The following SLC41A3 variants were observed in gnomAD, a reference collection of about 807,000 sequenced individuals.
SLC41A3 encodes the protein solute carrier family 41 member 3, also known as SLC41A1-like 2.
SLC41A3 carries 44 observed loss-of-function variants against 45.4 expected under a neutral mutation model. That is an observed-to-expected ratio of 0.97 (90% CI 0.76 to 1.25). The LOEUF (loss-of-function observed/expected upper bound fraction) is 1.25, where lower values mean the gene tolerates loss of function less well. SLC41A3 is among the 50% of genes most tolerant of loss of function. SLC41A3 has a pLI of 0.00. For missense variants in SLC41A3, 550 were observed against 600.6 expected (o/e 0.92, Z 0.88); for synonymous variants, 256 against 252.4 (o/e 1.01, Z -0.13).
intron 1 of SLC41A3, among the ~76,000 whole-genome samples, chr3:126,083,559 G>T (rs1186410437): frequency 3.9e-5 from 6 of 152,134 alleles, no homozygotes; most frequent in Non-Finnish European, 4.4e-5. Flanking sequence ...CCAGGACAGT[G>T]GGCTGAGCCT....
chr3:126,057,718 A>G (rs1943764111), intron 2 of SLC41A3, among the ~76,000 whole-genome samples: 1 of 152,170 alleles, frequency 6.6e-6, no homozygotes. Context: ...CGAACTCCAG[A>G]CGAATTTCTC....
At chr3:126,037,721 A>C (rs971113755) in intron 3 of SLC41A3, among the ~76,000 whole-genome samples, 1 of 152,212 alleles carries the variant, frequency 6.6e-6, no homozygotes, top group Non-Finnish European at 1.5e-5. Context: ...TTTTTGAAAA[A>C]TTTGCAGCCT....
chr3:126,019,423 T>C (rs1940632732), intron 6 of SLC41A3, among the ~76,000 whole-genome samples: 1 of 152,172 alleles, frequency 6.6e-6, no homozygotes, highest in Non-Finnish European at 1.5e-5. Flanking sequence ...CCACCCATGG[T>C]ACCCCAAATT....
At chr3:126,080,260 A>T (rs1945084144) in intron 1 of SLC41A3, among the ~76,000 whole-genome samples, 1 of 152,200 alleles carries the variant, frequency 6.6e-6, no homozygotes, top group Non-Finnish European at 1.5e-5. Context: ...AGGAAACAAC[A>T]AAGTGAAAAA....
chr3:126,081,024 AG>A (rs914761655), intron 1 of SLC41A3, among the ~76,000 whole-genome samples: 2 of 152,220 alleles, frequency 1.3e-5, no homozygotes, highest in Non-Finnish European at 2.9e-5. Flanking sequence ...CATATCCAAA[AG>A]AAAGGAAACC....
At chr3:126,019,156 C>T (rs959508669) in intron 6 of SLC41A3, among the ~76,000 whole-genome samples, 2 of 152,168 alleles carry the variant, frequency 1.3e-5, no homozygotes, top group Admixed American at 1.3e-4. Flanking sequence ...CCGGAGGTGG[C>T]GCAAGGCACC....
At chr3:126,028,534 G>T (rs543469189) in intron 4 of SLC41A3, among the ~76,000 whole-genome samples, 4 of 152,392 alleles carry the variant, frequency 2.6e-5, no homozygotes, top group Non-Finnish European at 5.9e-5. Flanking sequence ...GAAGCCTGCT[G>T]CAGGGGCACA....
intron 1 of SLC41A3, among the ~76,000 whole-genome samples, chr3:126,082,786 G>A (rs1009447245): frequency 6.9e-6 from 1 of 144,540 alleles, no homozygotes; most frequent in Non-Finnish European, 1.6e-5. Context: ...ACCAGGGCTC[G>A]CCCAAAGGCA....
chr3:126,049,935 G>A (rs1943214681), intron 3 of SLC41A3, among the ~76,000 whole-genome samples: 1 of 152,164 alleles, frequency 6.6e-6, no homozygotes, highest in South Asian at 2.1e-4. Flanking sequence ...AAAGCCAGGA[G>A]CACAGTATCT....
chr3:126,079,208 G>C (rs887478449), intron 1 of SLC41A3, among the ~76,000 whole-genome samples: 3 of 99,112 alleles, frequency 3.0e-5, no homozygotes, highest in African/African-American at 1.3e-4. Context: ...TTAAGGTAAG[G>C]GAAACACACA....
intron 4 of SLC41A3, among the ~76,000 whole-genome samples, chr3:126,028,140 T>G (rs983029571): frequency 1.3e-5 from 2 of 152,162 alleles, no homozygotes; most frequent in African/African-American, 2.4e-5. Context: ...TGCAGAAATT[T>G]ACATAAATAA....
At chr3:126,039,545 A>G (rs763145057) in intron 3 of SLC41A3, among the ~76,000 whole-genome samples, 25 of 152,168 alleles carry the variant, frequency 1.6e-4, no homozygotes, top group Admixed American at 6.5e-4. Context: ...AATACTGCTG[A>G]CCCAGGTCAC....
intron 1 of SLC41A3, among the ~76,000 whole-genome samples, chr3:126,072,180 G>A (rs1284276543): frequency 6.6e-6 from 1 of 152,052 alleles, no homozygotes; most frequent in Non-Finnish European, 1.5e-5. Flanking sequence ...AAAAATCATG[G>A]CATGTGTTAA....
chr3:126,047,420 G>A (rs560520949), intron 3 of SLC41A3, among the ~76,000 whole-genome samples: 1 of 152,266 alleles, frequency 6.6e-6, no homozygotes, highest in South Asian at 2.1e-4. Flanking sequence ...TACATTTATA[G>A]ATTCCTATGG....
In SLC41A3 at chr3:126,012,673, GACGCCAGGTGC is replaced by G. The variant is rs1559805767; in HGVS notation, c.1036_1046del (p.Ala346ProfsTer92). On this transcript the variant is annotated frameshift_variant, in exon 9 of 11. Transcript: ENST00000360370. LOFTEE classifies it high-confidence loss of function. ...AGAATTTCTTCATCTGGAGGGGCAGGACGCCAGGTGCACTCCACATGTGCAGGTAGGTTGAG... is the reference window on the plus strand; with the variant it reads ...AGAATTTCTTCATCTGGAGGGGCAGGACTCCACATGTGCAGGTAGGTTGAG... 1 of 1,614,220 alleles carries G rather than the reference GACGCCAGGTGC, an allele frequency of 6.2e-7. No homozygotes were observed. The highest frequency in any genetic ancestry group is 1.6e-4 in the Middle Eastern group (1 of 6,062).
chr3:126,022,885 T>C lies in SLC41A3; in HGVS notation c.646A>G (p.Asn216Asp), dbSNP rs754901804. The stretch of plus-strand genomic sequence containing the variant: ...ATGGGCGTGGCAATGTTGTCTGGGT[T>C]GACCCCGAGCTTTCGAGCACCAATC... ...IVIGARKLGV[N>D]PDNIATPIAA... The change falls in exon 6 of 11, where the codon AAC becomes GAC. Residue 216 changes from asparagine to aspartate, a missense_variant. Asn to Asp is a conservative substitution (Grantham distance 23). Coordinates refer to ENST00000360370, the MANE Select transcript of SLC41A3 (RefSeq NM_017836.4). 4 of 1,614,068 alleles carry C rather than the reference T, an allele frequency of 2.5e-6. No individual in the cohort carries two copies. Among genetic ancestry groups the C allele is most frequent in the Non-Finnish European group, 3.4e-6 (4 of 1,180,048 alleles).
In SLC41A3 at chr3:126,008,851, G is replaced by A; in HGVS notation, c.1135C>T (p.Leu379Phe). 6.2e-7 allele frequency: 1 copy of A among 1,614,188 alleles called. No individual in the cohort carries two copies. The highest frequency in any genetic ancestry group is 8.5e-7 in the Non-Finnish European group (1 of 1,180,026). The change falls in exon 10 of 11, where the codon CTC becomes TTC. Residue 379 changes from leucine to phenylalanine, a missense_variant. Coordinates refer to ENST00000360370, the MANE Select transcript of SLC41A3 (RefSeq NM_017836.4). ...EINSMSARVL[L>F]LLVVPGHLIF... ...AGATGGCCTGGGACCACCAGCAAGA[G>A]CAGGACTCGAGCTGACATGGAATTG...
In SLC41A3 at chr3:126,089,999, C is replaced by T. The variant is rs866320055; in HGVS notation, c.-79+11430G>A. On this transcript the variant is annotated intron_variant, in intron 1 of 9. Coordinates refer to the SLC41A3 transcript ENST00000508835. ...AAATAGACATCTCATTTAAAAGATG[C>T]TGCTCTAGTTAAAGAAGGTCAAGAA... Among the ~76,000 whole-genome samples the T allele has an allele frequency of 3.6e-5, 5 of 139,992 alleles. No individual in the cohort carries two copies. The South Asian group carries it at 1.2e-3, about 33-fold the overall frequency. 91.8% of individuals were successfully genotyped at this position (139,992 alleles called of 152,430 possible).
At chr3:126,066,158 G>A (rs1368607433) in intron 2 of SLC41A3, among the ~76,000 whole-genome samples, 4 of 152,208 alleles carry the variant, frequency 2.6e-5, no homozygotes, top group African/African-American at 9.7e-5. Flanking sequence ...TTCCGTCTTG[G>A]ACTGTACCCT....
Sources: gnomAD v4.1 joint callset for allele counts (sites outside exome capture counted in the v4.1 genomes callset) on GRCh38, gnomAD v4.1.1 for gene constraint, MANE v1.5 for transcripts, NCBI Gene and HGNC (gene_info 2026-07-23, HGNC 2026-07-21) for gene names.